Variants in KDM4B observed in about 807,000 individuals in gnomAD.
KDM4B encodes lysine-specific demethylase 4B.
KDM4B carries 32 observed loss-of-function variants against 125.2 expected under a neutral mutation model. That is an observed-to-expected ratio of 0.26 (90% CI 0.19 to 0.34). The LOEUF (loss-of-function observed/expected upper bound fraction) is 0.34, where lower values mean the gene tolerates loss of function less well. KDM4B is among the 10% of genes least tolerant of loss of function. The pLI, the probability that KDM4B is intolerant of heterozygous loss-of-function variation, is 1.00. For missense variants in KDM4B, 1,190 were observed against 1,577.7 expected (o/e 0.75, Z 4.16); for synonymous variants, 721 against 677.9 (o/e 1.06, Z -0.99).
At chr19:5,119,270 C>T in intron 10 of KDM4B, 3 of 1,246,144 alleles carry the variant, frequency 2.4e-6, no homozygotes, top group Non-Finnish European at 3.4e-6. Context: ...CCATGAGCTG[C>T]TGTTTCCCTC....
At chr19:5,119,953 G>T in intron 11 of KDM4B, 101 bp downstream of exon 11, 2 of 1,377,144 alleles carry the variant, frequency 1.5e-6, no homozygotes, top group Non-Finnish European at 1.9e-6. Context: ...TCCCCGTTTT[G>T]TAAGAATCTG....
intron 1 of KDM4B, among the ~76,000 whole-genome samples, chr19:5,010,717 C>G (rs558596960): frequency 3.3e-5 from 5 of 152,128 alleles, no homozygotes; most frequent in South Asian, 2.1e-4. Context: ...GCGCGATCTT[C>G]GCTCACTGCA....
chr19:5,020,311 G>A (rs1351805818), intron 2 of KDM4B, among the ~76,000 whole-genome samples: 1 of 147,536 alleles, frequency 6.8e-6, no homozygotes, highest in Non-Finnish European at 1.5e-5. Context: ...AGGTGTTGGT[G>A]TGGGTGTTGG....
intron 10 of KDM4B, among the ~76,000 whole-genome samples, 198 bp downstream of exon 10, chr19:5,111,016 T>C (rs1256012539): frequency 6.6e-6 from 1 of 152,160 alleles, no homozygotes; most frequent in Non-Finnish European, 1.5e-5. Flanking sequence ...CAGTGTTTTC[T>C]CGAGGCCTCG....
At position 5,060,331 on chromosome 19, in the gene KDM4B, C is replaced by T. The variant is rs554456248; in HGVS notation, c.627-10679C>T. ...GTGGGTGCCTGTAGTCCCAGCTACT[C>T]GGGAGGCTGAGACAGGAGAATGGCG... On this transcript the variant is annotated intron_variant, in intron 6 of 22. Coordinates refer to ENST00000159111, the MANE Select transcript of KDM4B (RefSeq NM_015015.3). Among the ~76,000 whole-genome samples, 175 of 147,036 alleles carry T rather than the reference C, an allele frequency of 1.2e-3. 1 individual carries two copies. Among genetic ancestry groups the T allele is most frequent in the African/African-American group, 4.1e-3 (166 of 40,120 alleles).
At chr19:5,108,258 A>G (rs896949729) in intron 9 of KDM4B, among the ~76,000 whole-genome samples, 1 of 152,226 alleles carries the variant, frequency 6.6e-6, no homozygotes, top group African/African-American at 2.4e-5. Context: ...CGGCCTGTCC[A>G]GGAGTCTGAA....
At chr19:5,034,219 G>A (rs1275501958) in intron 3 of KDM4B, among the ~76,000 whole-genome samples, 1 of 152,218 alleles carries the variant, frequency 6.6e-6, no homozygotes, top group African/African-American at 2.4e-5. Flanking sequence ...TCTGTGTTCG[G>A]GTGTGGGCCT....
rs146214143 is a variant in KDM4B at position 4,979,827 on chromosome 19, G to T, written c.-109+10597G>T. On this transcript the variant is annotated intron_variant, in intron 1 of 22. Coordinates refer to ENST00000159111, the MANE Select transcript of KDM4B (RefSeq NM_015015.3). The stretch of plus-strand genomic sequence containing the variant: ...TCTTAAAGTATACAATTCAGGCTGG[G>T]CACAGCGGCTCATGCCTGCAATCCT... 8.8e-4 allele frequency among the ~76,000 whole-genome samples: 134 copies of T among 152,324 alleles called. 2 individuals carry two copies. Among genetic ancestry groups the T allele is most frequent in the African/African-American group, 2.7e-3 (114 of 41,564 alleles).
chr19:5,100,503 C>T (rs2038909866), intron 9 of KDM4B, among the ~76,000 whole-genome samples: 2 of 152,208 alleles, frequency 1.3e-5, no homozygotes, highest in Non-Finnish European at 2.9e-5. Context: ...TCATAGCTCA[C>T]TGCAGCCTCA....
At chr19:5,108,377 A>T (rs1231024753) in intron 9 of KDM4B, among the ~76,000 whole-genome samples, 1 of 152,186 alleles carries the variant, frequency 6.6e-6, no homozygotes, top group African/African-American at 2.4e-5. Flanking sequence ...GGAATTGCCC[A>T]GCCACAAATA....
chr19:4,974,162 C>T (rs2034360876), intron 1 of KDM4B, among the ~76,000 whole-genome samples: 2 of 149,892 alleles, frequency 1.3e-5, no homozygotes, highest in African/African-American at 4.9e-5. Context: ...ACTTTGGGAG[C>T]CAAGGCGGGC....
At chr19:5,105,744 C>T (rs1377644080) in intron 9 of KDM4B, among the ~76,000 whole-genome samples, 3 of 152,250 alleles carry the variant, frequency 2.0e-5, no homozygotes, top group Non-Finnish European at 2.9e-5. Context: ...CCAGCCCAAA[C>T]TTATTGTAAA....
intron 2 of KDM4B, among the ~76,000 whole-genome samples, chr19:5,026,134 C>T (rs2036270721): frequency 6.6e-6 from 1 of 151,678 alleles, no homozygotes; most frequent in Non-Finnish European, 1.5e-5. Flanking sequence ...AGGGACAGGG[C>T]GTGGTGGCTC....
At chr19:5,106,037 A>G (rs2039027101) in intron 9 of KDM4B, among the ~76,000 whole-genome samples, 1 of 152,312 alleles carries the variant, frequency 6.6e-6, no homozygotes, top group South Asian at 2.1e-4. Flanking sequence ...GTTTTGATAC[A>G]TTTCCCTGTC....
chr19:5,025,990 G>C (rs890679813), intron 2 of KDM4B, among the ~76,000 whole-genome samples: 5 of 151,904 alleles, frequency 3.3e-5, no homozygotes, highest in Admixed American at 1.3e-4. Context: ...TCAGGCAGTT[G>C]TCCTGCCTCA....
At chr19:5,084,969 G>GT (rs2038444179) in intron 9 of KDM4B, among the ~76,000 whole-genome samples, 1 of 148,510 alleles carries the variant, frequency 6.7e-6, no homozygotes, top group Non-Finnish European at 1.5e-5. Context: ...GCCTCGAAAA[G>GT]TGCTGGGATT....
At chr19:5,061,731 A>G (rs1441824743) in intron 6 of KDM4B, among the ~76,000 whole-genome samples, 1 of 151,562 alleles carries the variant, frequency 6.6e-6, no homozygotes, top group African/African-American at 2.4e-5. Flanking sequence ...AGCTGGGTGT[A>G]GGGCGCACAC....
At chr19:5,007,131 CT>C (rs2035586087) in intron 1 of KDM4B, among the ~76,000 whole-genome samples, 1 of 152,232 alleles carries the variant, frequency 6.6e-6, no homozygotes, top group Non-Finnish European at 1.5e-5. Flanking sequence ...TGAGCACCCC[CT>C]GCCAACCTCC....
chr19:5,119,552 C>G, intron 10 of KDM4B, 101 bp from the exon 11 acceptor site: 1 of 1,184,006 alleles, frequency 8.4e-7, no homozygotes, highest in Non-Finnish European at 1.2e-6. Context: ...GAGCGCTCTT[C>G]TGGGGGTGGG....
Sources: allele counts gnomAD v4.1 joint callset (sites outside exome capture counted in the v4.1 genomes callset), GRCh38; gene constraint gnomAD v4.1.1; transcripts MANE v1.5; gene names NCBI Gene and HGNC (gene_info 2026-07-23, HGNC 2026-07-21).